Variants in CACNA1H observed in about 807,000 individuals in gnomAD.
The protein encoded by CACNA1H is voltage-dependent T-type calcium channel subunit alpha-1H.
Under a neutral mutation model 192.5 loss-of-function variants are expected in CACNA1H, and 149 were observed. The observed-to-expected ratio is 0.77, with a 90% confidence interval of 0.68 to 0.89. CACNA1H has a LOEUF of 0.89. Among genes scored for constraint, CACNA1H ranks in the 40% least tolerant of loss-of-function variants. CACNA1H has a pLI of 0.00. For missense variants in CACNA1H, 4,257 were observed against 3,423.5 expected (o/e 1.24, Z -6.08); for synonymous variants, 2,202 against 1,475.2 (o/e 1.49, Z -11.29).
At chr16:1,201,375 A>G (rs761117526) in intron 8 of CACNA1H, among the ~76,000 whole-genome samples, 1 of 152,144 alleles carries the variant, frequency 6.6e-6, no homozygotes, top group Non-Finnish European at 1.5e-5. Flanking sequence ...TGAGAGGGTC[A>G]TCTCAAGGCC....
Position 1,211,301 on chromosome 16 carries a change from G to T in CACNA1H, c.4350+7G>T, listed in dbSNP as rs1409244826. ...TGGCATTTTGGGTGTGCAGGTGTGT[G>T]GCCCCCACGTGCCCGGGGGTCTGCC... On this transcript the variant is annotated splice_region_variant and intron_variant, in intron 22 of 34. Transcript: ENST00000348261. The T allele has an allele frequency of 6.2e-7, 1 of 1,612,732 alleles. No individual in the cohort carries two copies. Among genetic ancestry groups the T allele is most frequent in the African/African-American group, 1.3e-5 (1 of 74,926 alleles).
Position 1,200,244 on chromosome 16 carries a change from G to C in CACNA1H, c.804-12G>C. ...GATTGTACCTTTTGGCCCTGGCTGT[G>C]CCCATCCCCAGGAACAACAACCTGA... On this transcript the variant is annotated splice_polypyrimidine_tract_variant and intron_variant, in intron 6 of 34. Transcript: ENST00000348261. The C allele has an allele frequency of 6.3e-7, 1 of 1,586,414 alleles. No homozygotes were observed. The highest frequency in any genetic ancestry group is 1.3e-5 in the African/African-American group (1 of 74,142).
chr16:1,190,188 G>A (rs1025990358), intron 2 of CACNA1H, among the ~76,000 whole-genome samples: 15 of 152,238 alleles, frequency 9.9e-5, no homozygotes, highest in Admixed American at 2.6e-4. Flanking sequence ...CCGCCCTGCA[G>A]CCAGCAGGCC....
At chr16:1,208,897 C>A in intron 16 of CACNA1H, 135 bp from the exon 17 acceptor site, 2 of 961,506 alleles carry the variant, frequency 2.1e-6, no homozygotes, top group Non-Finnish European at 2.8e-6. Flanking sequence ...AAAATCACAG[C>A]CTCCACCGTG....
rs569562996 is a variant in CACNA1H, at chr16:1,207,704, T to G, written c.3064-66T>G. 470 of 1,394,840 alleles carry G rather than the reference T, an allele frequency of 3.4e-4. No homozygotes were observed. In the African/African-American group the frequency reaches 6.1e-3, roughly 18 times the overall value. 86.4% of individuals were successfully genotyped at this position (1,394,840 alleles called of 1,614,324 possible). A position where few individuals can be genotyped will look rare whatever the true frequency, so the allele number is the denominator to read the frequency against. On this transcript the variant is annotated intron_variant, in intron 14 of 34. Transcript: ENST00000348261. ...CACCTCCCAGGCCAGCCCAGACTTCTGTCCGGCATGAAGGGTCCCCACTCA... is the reference window on the plus strand; with the variant it reads ...CACCTCCCAGGCCAGCCCAGACTTCGGTCCGGCATGAAGGGTCCCCACTCA...
intron 19 of CACNA1H, 37 bp downstream of exon 19, chr16:1,210,530 A>G (rs1969312756): frequency 6.2e-7 from 1 of 1,609,760 alleles, no homozygotes; most frequent in Non-Finnish European, 8.5e-7. Context: ...GGCCACCACG[A>G]CCCCCAGGGA....
chr16:1,189,858 T>G, intron 2 of CACNA1H, among the ~76,000 whole-genome samples: 1 of 150,998 alleles, frequency 6.6e-6, no homozygotes, highest in East Asian at 1.9e-4. Flanking sequence ...CTCTGGGGGG[T>G]TTTCATCGTT....
At chr16:1,190,970 C>G (rs549078866) in intron 2 of CACNA1H, among the ~76,000 whole-genome samples, 2 of 148,338 alleles carry the variant, frequency 1.3e-5, no homozygotes, top group Non-Finnish European at 3.0e-5. Flanking sequence ...GCCTCAGGCA[C>G]ACTCGGGGTT....
chr16:1,211,877 CGGG>C (rs1381647135), intron 24 of CACNA1H, 66 bp from the exon 25 acceptor site: 4 of 1,609,582 alleles, frequency 2.5e-6, no homozygotes, highest in South Asian at 2.2e-5. Flanking sequence ...TCTGGGGACT[CGGG>C]GGGCCATCCT....
intron 2 of CACNA1H, among the ~76,000 whole-genome samples, chr16:1,186,621 T>C (rs1966089503): frequency 6.6e-6 from 1 of 152,064 alleles, no homozygotes; most frequent in Non-Finnish European, 1.5e-5. Context: ...GCTTCTGTCG[T>C]GAATGTGGTC....
At chr16:1,198,929 G>C in intron 6 of CACNA1H, 155 bp downstream of exon 6, 2 of 683,726 alleles carry the variant, frequency 2.9e-6, no homozygotes, top group Non-Finnish European at 2.4e-6. Flanking sequence ...CGTCCACCAT[G>C]CTGTCTCCCG....
In CACNA1H at chr16:1,200,489, T is replaced by C; in HGVS notation, c.1037T>C (p.Val346Ala). The C allele has an allele frequency of 6.2e-7, 1 of 1,612,154 alleles. No homozygotes were observed. Among genetic ancestry groups the C allele is most frequent in the Non-Finnish European group, 8.5e-7 (1 of 1,179,714 alleles). Residue 346 changes from valine to alanine, a missense_variant, in exon 7 of 35, where the codon GTG becomes GCG. Physicochemically the swap from Val to Ala is moderately conservative, Grantham distance 64. Transcript: ENST00000348261. ...ACINWNQYYN[V>A]CRSGDSNPHN... Reference sequence around the variant, plus strand: ...ATCAACTGGAACCAGTACTACAACGTGTGCCGCTCGGGTGACTCCAACCCC... The same window carrying C: ...ATCAACTGGAACCAGTACTACAACGCGTGCCGCTCGGGTGACTCCAACCCC...
At position 1,202,367 on chromosome 16, in the gene CACNA1H, A is replaced by G; in HGVS notation, c.1917A>G (p.Gly639=). The G allele has an allele frequency of 3.8e-6, 6 of 1,559,302 alleles. No individual in the cohort carries two copies. The highest frequency in any genetic ancestry group is 5.2e-6 in the Non-Finnish European group (6 of 1,153,750). Residue 639 remains glycine (G), a synonymous_variant, in exon 9 of 35, where the codon GGA becomes GGG. Transcript: ENST00000348261. Reference sequence around the variant, plus strand: ...GACCCAAGGGGAAGTGGGCCGGTGGACCGCCAGGCACCGGGGGGCACGGCC... The same window carrying G: ...GACCCAAGGGGAAGTGGGCCGGTGGGCCGCCAGGCACCGGGGGGCACGGCC... ...SPGPKGKWAG[G]PPGTGGHGPL...
chr16:1,178,891 G>C (rs1323694711), intron 2 of CACNA1H, among the ~76,000 whole-genome samples: 1 of 152,214 alleles, frequency 6.6e-6, no homozygotes, highest in Non-Finnish European at 1.5e-5. Context: ...CTCCCCAGCA[G>C]GGTGGCCCCG....
chr16:1,191,998 G>T (rs949121721), intron 2 of CACNA1H, among the ~76,000 whole-genome samples: 10 of 152,276 alleles, frequency 6.6e-5, no homozygotes, highest in Non-Finnish European at 1.5e-4. Flanking sequence ...AGCTCGGGAG[G>T]CCGTCTGCAG....
At chr16:1,169,460 C>T (rs1275631507) in intron 2 of CACNA1H, among the ~76,000 whole-genome samples, 1 of 152,214 alleles carries the variant, frequency 6.6e-6, no homozygotes, top group African/African-American at 2.4e-5. Flanking sequence ...TGCCCGCGGC[C>T]CCCGCGACGT....
chr16:1,195,551 C>T lies in CACNA1H; in HGVS notation c.531C>T (p.Phe177=). Residue 177 remains phenylalanine, a synonymous_variant, in exon 4 of 35, where the codon TTC becomes TTT. Transcript: ENST00000348261. ...ACACGTGGAACAGGCTGGATTTCTT[C>T]ATCGTCGTGGCGGGGTAGGCCCCGC... ...LGDTWNRLDF[F]IVVAGMMEYS... The T allele has an allele frequency of 1.2e-6, 2 of 1,603,412 alleles. No individual in the cohort carries two copies. Among genetic ancestry groups the T allele is most frequent in the Admixed American group, 1.7e-5 (1 of 58,634 alleles).
In CACNA1H at chr16:1,194,984, C is replaced by T. The variant is rs370735613; in HGVS notation, c.312C>T (p.His104=). The T allele has an allele frequency of 8.7e-6, 14 of 1,611,314 alleles. No individual in the cohort carries two copies. The highest frequency in any genetic ancestry group is 3.3e-4 in the Middle Eastern group (2 of 6,080). The change falls in exon 3 of 35, where the codon CAC becomes CAT. Residue 104 remains histidine, a synonymous_variant. Transcript: ENST00000348261. ...CCCGCGGCGACACATGGTTCGAGCACGTGAGCATGCTGGTAATCATGCTCA... is the reference window on the plus strand; with the variant it reads ...CCCGCGGCGACACATGGTTCGAGCATGTGAGCATGCTGGTAATCATGCTCA... The part of the protein sequence containing the change: ...LRLVCNPWFE[H]VSMLVIMLNC...
At chr16:1,166,429 G>C (rs1438402939) in intron 2 of CACNA1H, among the ~76,000 whole-genome samples, 1 of 152,216 alleles carries the variant, frequency 6.6e-6, no homozygotes, top group Non-Finnish European at 1.5e-5. Context: ...TGGCCAGCCC[G>C]GCACCAACTC....
Sources: allele counts gnomAD v4.1 joint callset (sites outside exome capture counted in the v4.1 genomes callset), GRCh38; gene constraint gnomAD v4.1.1; transcripts MANE v1.5; gene names NCBI Gene and HGNC (gene_info 2026-07-23, HGNC 2026-07-21).